The following MICU1 variants were observed in gnomAD, a reference collection of about 807,000 sequenced individuals.
MICU1 encodes the protein calcium uptake protein 1, mitochondrial.
Under a neutral mutation model 56.8 loss-of-function variants are expected in MICU1, and 45 were observed. The ratio of observed to expected loss-of-function variants is 0.79; its 90% confidence interval spans 0.62 to 1.02. The LOEUF (loss-of-function observed/expected upper bound fraction) is 1.02. Among genes scored for constraint, MICU1 ranks in the 50% least tolerant of loss-of-function variants. The probability of loss-of-function intolerance (pLI) is 0.00; values close to 1 mark genes in which losing one functional copy is unlikely to be tolerated. For synonymous variants in MICU1, 186 were observed against 195.1 expected, an observed-to-expected ratio of 0.95 and a Z score of 0.39; for missense variants, 504 against 587.1, an observed-to-expected ratio of 0.86 and a Z score of 1.46.
At chr10:72,587,270 TAA>T (rs1841087981) in intron 1 of MICU1, among the ~76,000 whole-genome samples, 1 of 151,810 alleles carries the variant, frequency 6.6e-6, no homozygotes, top group African/African-American at 2.4e-5. Flanking sequence ...TCCAGGAGTA[TAA>T]GACTAGCCAA....
intron 8 of MICU1, among the ~76,000 whole-genome samples, chr10:72,445,334 C>T (rs763561187): frequency 1.7e-4 from 26 of 152,126 alleles, no homozygotes; most frequent in Non-Finnish European, 3.1e-4. Flanking sequence ...GAAAACTCTA[C>T]TGTATCTTCA....
chr10:72,493,276 G>C (rs971190073), intron 6 of MICU1, among the ~76,000 whole-genome samples: 1 of 152,000 alleles, frequency 6.6e-6, no homozygotes, highest in East Asian at 1.9e-4. Context: ...GGTATGTTTT[G>C]AGTCATCATT....
intron 1 of MICU1, among the ~76,000 whole-genome samples, chr10:72,602,398 AC>A (rs1257662776): frequency 1.3e-5 from 2 of 151,784 alleles, no homozygotes; most frequent in African/African-American, 4.8e-5. Context: ...TTGCAGTGAG[AC>A]AACATCATAC....
chr10:72,573,307 C>CAAAAAAA lies in MICU1; in HGVS notation c.-1-6520_-1-6514dup, dbSNP rs58866778. On this transcript the variant is annotated intron_variant, in intron 1 of 11. Coordinates refer to ENST00000361114, the MANE Select transcript of MICU1 (RefSeq NM_001195518.2). The stretch of plus-strand genomic sequence containing the variant: ...AAACATAATGAGACCCCCATCACTA[C>CAAAAAAA]AAAAAAAAAAAAAAAAAAAAAAAAA... 3.1e-3 allele frequency among the ~76,000 whole-genome samples: 64 copies of CAAAAAAA among 20,978 alleles called. 1 individual carries two copies. Among genetic ancestry groups the CAAAAAAA allele is most frequent in the African/African-American group, 5.2e-3 (24 of 4,582 alleles). 13.8% of individuals were successfully genotyped at this position (20,978 alleles called of 152,430 possible).
At chr10:72,466,280 C>A (rs1206596788) in intron 8 of MICU1, among the ~76,000 whole-genome samples, 1 of 152,148 alleles carries the variant, frequency 6.6e-6, no homozygotes, top group Non-Finnish European at 1.5e-5. Context: ...AGTGGGACCT[C>A]ATGAGATTTT....
chr10:72,409,743 T>C (rs1401407965), intron 9 of MICU1, among the ~76,000 whole-genome samples: 1 of 152,206 alleles, frequency 6.6e-6, no homozygotes, highest in Non-Finnish European at 1.5e-5. Context: ...TGATCTTTTA[T>C]AATTTTTTTC....
intron 3 of MICU1, among the ~76,000 whole-genome samples, chr10:72,558,449 G>C (rs919942257): frequency 1.3e-5 from 2 of 152,162 alleles, no homozygotes; most frequent in Admixed American, 6.5e-5. Context: ...ATGAACGGCA[G>C]TAAGTGTGCA....
intron 8 of MICU1, among the ~76,000 whole-genome samples, chr10:72,451,631 C>G (rs1865302759): frequency 6.6e-6 from 1 of 152,008 alleles, no homozygotes; most frequent in Admixed American, 6.6e-5. Context: ...CAGCCTTGAA[C>G]TCTTGGGCTC....
Position 72,566,697 on chromosome 10 carries a change from G to A in MICU1, c.97C>T (p.Leu33=). 1 of 1,612,860 alleles carries A rather than the reference G, an allele frequency of 6.2e-7. No homozygotes were observed. The highest frequency in any genetic ancestry group is 8.5e-7 in the Non-Finnish European group (1 of 1,179,426). ...GCTCCCAGGAAAGCCACCATCATTA[G>A]TCTTCGCCGGATCTGGATGGGCTGT... is the stretch of plus-strand genomic sequence containing the variant. ...GSQPIQIRRR[L]MMVAFLGASA... is the part of the protein sequence containing the mutation. The change falls in exon 2 of 12, where the codon CTA becomes TTA. Residue 33 remains leucine (L), a synonymous_variant. Coordinates refer to ENST00000361114, the MANE Select transcript of MICU1 (RefSeq NM_001195518.2).
At chr10:72,505,797 C>T (rs894329959) in intron 6 of MICU1, among the ~76,000 whole-genome samples, 1 of 152,048 alleles carries the variant, frequency 6.6e-6, no homozygotes, top group Admixed American at 6.6e-5. Flanking sequence ...ACAACTGACA[C>T]TAGGGACTAC....
intron 6 of MICU1, among the ~76,000 whole-genome samples, chr10:72,495,126 C>T (rs948420155): frequency 1.3e-5 from 2 of 152,128 alleles, no homozygotes; most frequent in Admixed American, 1.3e-4. Context: ...AGAAGGCAAG[C>T]CAGTGCTTTT....
intron 6 of MICU1, among the ~76,000 whole-genome samples, chr10:72,500,117 A>T (rs1467368358): frequency 1.3e-5 from 2 of 151,712 alleles, no homozygotes; most frequent in Non-Finnish European, 2.9e-5. Flanking sequence ...GAATTATGCC[A>T]GATTTTCATT....
At chr10:72,625,366 T>C (rs1842201846) in intron 1 of MICU1, among the ~76,000 whole-genome samples, 1 of 152,194 alleles carries the variant, frequency 6.6e-6, no homozygotes. Context: ...ACAGTTTGTT[T>C]TAAACTGTTC....
At chr10:72,378,015 C>T (rs1470943974) in intron 10 of MICU1, among the ~76,000 whole-genome samples, 3 of 152,108 alleles carry the variant, frequency 2.0e-5, no homozygotes. Context: ...TTTGGGAGGC[C>T]AAGGCTGATG....
At chr10:72,553,477 C>T (rs967807062) in intron 3 of MICU1, among the ~76,000 whole-genome samples, 3 of 152,170 alleles carry the variant, frequency 2.0e-5, no homozygotes, top group African/African-American at 7.2e-5. Context: ...TCATGATCCG[C>T]CTGCCTTGGC....
At chr10:72,369,701 T>G (rs75290634) in intron 11 of MICU1, among the ~76,000 whole-genome samples, 1 of 150,536 alleles carries the variant, frequency 6.6e-6, no homozygotes, top group Non-Finnish European at 1.5e-5. Flanking sequence ...TTTTTTTTTT[T>G]GTTGTTGTTG....
intron 9 of MICU1, among the ~76,000 whole-genome samples, chr10:72,417,920 A>G (rs1172005362): frequency 6.6e-6 from 1 of 152,194 alleles, no homozygotes; most frequent in African/African-American, 2.4e-5. Context: ...TTTACAAAGG[A>G]AAGAGGTTTA....
intron 6 of MICU1, among the ~76,000 whole-genome samples, chr10:72,482,878 C>A (rs533649077): frequency 2.7e-5 from 4 of 149,834 alleles, no homozygotes; most frequent in African/African-American, 9.8e-5. Context: ...TATTTTTTTA[C>A]AGAGTCTTGC....
At chr10:72,544,185 T>C (rs904082382) in intron 4 of MICU1, among the ~76,000 whole-genome samples, 2 of 152,152 alleles carry the variant, frequency 1.3e-5, no homozygotes, top group Non-Finnish European at 2.9e-5. Flanking sequence ...GCTTGCTCAA[T>C]TGATCATGAC....
Sources: allele counts gnomAD v4.1 joint callset (sites outside exome capture counted in the v4.1 genomes callset), GRCh38; gene constraint gnomAD v4.1.1; transcripts MANE v1.5; gene names NCBI Gene and HGNC (gene_info 2026-07-23, HGNC 2026-07-21).